STPG2: variants seen among roughly 807,000 people sequenced by gnomAD.
The protein encoded by STPG2 is sperm tail PG-rich repeat containing 2.
Under a neutral mutation model 54.2 loss-of-function variants are expected in STPG2, and 56 were observed. The ratio of observed to expected loss-of-function variants is 1.03; its 90% CI spans 0.83 to 1.29. The LOEUF is 1.29. Among genes scored for constraint, STPG2 ranks in the 50% most tolerant of loss-of-function variants. The pLI, the probability that STPG2 is intolerant of heterozygous loss-of-function variation, is 0.00. For synonymous variants in STPG2, 200 were observed against 181.8 expected (o/e 1.10, Z -0.81); for missense variants, 596 against 544.9 (o/e 1.09, Z -0.93).
At chr4:97,925,712 T>A (rs1326405067) in intron 8 of STPG2, among the ~76,000 whole-genome samples, 1 of 152,198 alleles carries the variant, frequency 6.6e-6, no homozygotes, top group Non-Finnish European at 1.5e-5. Context: ...ACTTTGATTC[T>A]TATTCAGCTG....
rs527321765 is a variant in STPG2, at chr4:97,571,322, A to G, written c.1321-12205T>C. Among the ~76,000 whole-genome samples the G allele has an allele frequency of 8.5e-5, 13 of 152,226 alleles. No individual in the cohort carries two copies. In the South Asian group the frequency reaches 2.7e-3, roughly 32 times the overall value. On this transcript the variant is annotated intron_variant, in intron 10 of 10. Coordinates refer to ENST00000295268, the MANE Select transcript of STPG2 (RefSeq NM_174952.3). Reference sequence around the variant, plus strand: ...GTTCTAAGGCTCCCCAACCATCTGAATGCAGCACCTGACAGCCAGGGCTCT... The same window carrying G: ...GTTCTAAGGCTCCCCAACCATCTGAGTGCAGCACCTGACAGCCAGGGCTCT...
chr4:98,075,231 T>C (rs1209420746), intron 5 of STPG2, among the ~76,000 whole-genome samples: 2 of 152,212 alleles, frequency 1.3e-5, no homozygotes, highest in African/African-American at 4.8e-5. Context: ...TCCCACTTTC[T>C]TTCTACTTGG....
intron 8 of STPG2, among the ~76,000 whole-genome samples, chr4:97,918,061 T>C (rs1731950913): frequency 1.4e-5 from 2 of 147,492 alleles, no homozygotes; most frequent in South Asian, 4.2e-4. Flanking sequence ...CATGCGTATA[T>C]AAGGAAGATA....
intron 10 of STPG2, among the ~76,000 whole-genome samples, chr4:97,572,278 T>C (rs1732619894): frequency 6.6e-6 from 1 of 152,166 alleles, no homozygotes; most frequent in Non-Finnish European, 1.5e-5. Context: ...GATACAGCCA[T>C]TCAGTTACTT....
At chr4:97,921,236 G>A (rs944264528) in intron 8 of STPG2, among the ~76,000 whole-genome samples, 10 of 152,156 alleles carry the variant, frequency 6.6e-5, no homozygotes, top group Admixed American at 6.5e-5. Flanking sequence ...AATGGCCTCA[G>A]GCTCCAGGCC....
chr4:97,667,703 G>A (rs565997470), intron 10 of STPG2, among the ~76,000 whole-genome samples: 3 of 151,956 alleles, frequency 2.0e-5, no homozygotes, highest in Non-Finnish European at 4.4e-5. Flanking sequence ...TATAACCTGG[G>A]TATTTTGATA....
At position 97,551,310 on chromosome 4, in the gene STPG2, G is replaced by A. The variant is rs983951913; in HGVS notation, c.462+161389C>T. On this transcript the variant is annotated intron_variant, in intron 4 of 4. Transcript: ENST00000522676. ...ATAGAGTATCTCATGATTTCTAAAA[G>A]AGAAGTCAGTATAATTAAAAATTAA... 9.2e-5 allele frequency among the ~76,000 whole-genome samples: 14 copies of A among 152,104 alleles called. 1 individual carries two copies. In the South Asian group the frequency reaches 1.2e-3, roughly 14 times the overall value.
chr4:97,794,839 T>C (rs1165678806), intron 9 of STPG2, among the ~76,000 whole-genome samples: 2 of 152,168 alleles, frequency 1.3e-5, no homozygotes, highest in South Asian at 2.1e-4. Flanking sequence ...AAGAATATTA[T>C]ATCTAACTGG....
chr4:97,597,767 A>G (rs1474467123), intron 10 of STPG2, among the ~76,000 whole-genome samples: 2 of 152,156 alleles, frequency 1.3e-5, no homozygotes, highest in African/African-American at 4.8e-5. Context: ...ACAAACCCAC[A>G]ACCTACATCA....
chr4:97,516,490 T>C (rs542054472), intron 4 of STPG2, among the ~76,000 whole-genome samples: 29 of 152,172 alleles, frequency 1.9e-4, no homozygotes, highest in African/African-American at 5.1e-4. Context: ...TGCATTATCC[T>C]TTGTGCCCTT....
At chr4:97,858,082 T>C (rs1051846863) in intron 8 of STPG2, among the ~76,000 whole-genome samples, 1 of 152,106 alleles carries the variant, frequency 6.6e-6, no homozygotes, top group African/African-American at 2.4e-5. Context: ...CTAAGAGTTA[T>C]TGGCCATACA....
rs1165748416 is a variant in STPG2 at position 97,562,213 on chromosome 4, G to A, written c.1321-3096C>T. The stretch of plus-strand genomic sequence containing the variant: ...ATTCTCTTTGAAGCAATTGTGAATG[G>A]GAGTTCACTCATGATTTGGCTCTCT... On this transcript the variant is annotated intron_variant, in intron 10 of 10. Coordinates refer to ENST00000295268, the MANE Select transcript of STPG2 (RefSeq NM_174952.3). Among the ~76,000 whole-genome samples the A allele has an allele frequency of 2.0e-5, 3 of 152,216 alleles. No homozygotes were observed. The East Asian group carries it at 5.8e-4, about 29-fold the overall frequency.
intron 5 of STPG2, among the ~76,000 whole-genome samples, chr4:98,084,085 T>C (rs1738436178): frequency 6.6e-6 from 1 of 152,154 alleles, no homozygotes; most frequent in African/African-American, 2.4e-5. Context: ...GCTCAAGCAA[T>C]CCTCCTGCCT....
chr4:97,638,523 G>C (rs9685391), intron 10 of STPG2, among the ~76,000 whole-genome samples: 18,680 of 151,080 alleles, frequency 0.12, 3,537 homozygotes, highest in African/African-American at 0.41. Context: ...GAGCTTCTGC[G>C]CAGCAAAAGA....
At chr4:98,010,091 T>A (rs146072433) in intron 5 of STPG2, among the ~76,000 whole-genome samples, 41 of 152,156 alleles carry the variant, frequency 2.7e-4, no homozygotes, top group African/African-American at 9.4e-4. Flanking sequence ...ATTTTCTTAG[T>A]CATGATTTCA....
intron 8 of STPG2, among the ~76,000 whole-genome samples, chr4:97,942,457 C>A (rs1733023620): frequency 6.6e-6 from 1 of 151,192 alleles, no homozygotes; most frequent in Non-Finnish European, 1.5e-5. Context: ...TCAGAATCTA[C>A]TACATGTAAA....
chr4:97,665,262 C>T (rs1017314532), intron 10 of STPG2, among the ~76,000 whole-genome samples: 9 of 152,258 alleles, frequency 5.9e-5, no homozygotes, highest in African/African-American at 1.4e-4. Context: ...CCTCACCATT[C>T]GGCAGTTCCT....
chr4:97,498,826 A>C (rs961211055), intron 4 of STPG2, among the ~76,000 whole-genome samples: 1 of 150,892 alleles, frequency 6.6e-6, no homozygotes, highest in Non-Finnish European at 1.5e-5. Flanking sequence ...TTAACAAAAT[A>C]AAAAAAAAGT....
chr4:97,563,455 T>A (rs1211285986), intron 10 of STPG2, among the ~76,000 whole-genome samples: 1 of 152,098 alleles, frequency 6.6e-6, no homozygotes. Context: ...CTGCTCTGAT[T>A]TTAGTTATTT....
Sources: gnomAD v4.1 joint callset for allele counts (sites outside exome capture counted in the v4.1 genomes callset) on GRCh38, gnomAD v4.1.1 for gene constraint, MANE v1.5 for transcripts, NCBI Gene and HGNC (gene_info 2026-07-23, HGNC 2026-07-21) for gene names.